Variants in PRDM1 observed in about 807,000 individuals in gnomAD.
PRDM1 encodes PR/SET domain 1, also known as PR domain zinc finger protein 1.
In PRDM1, 13 loss-of-function variants were observed where a neutral mutation model predicts 62.8. The observed-to-expected ratio is 0.21, with a 90% CI of 0.13 to 0.33. The LOEUF is 0.33. Among genes scored for constraint, PRDM1 ranks in the 10% least tolerant of loss-of-function variants. PRDM1 has a pLI of 1.00. For synonymous variants in PRDM1, 396 were observed against 417.6 expected (o/e 0.95, Z 0.63); for missense variants, 895 against 1,058.8 (o/e 0.85, Z 2.15).
chr6:106,077,804 A>C (rs1773627158), intron 1 of PRDM1, among the ~76,000 whole-genome samples: 1 of 152,232 alleles, frequency 6.6e-6, no homozygotes, highest in Non-Finnish European at 1.5e-5. Context: ...AATGTAAACT[A>C]GTTGTTAATG....
At chr6:106,018,835 C>G (rs1772657063) in intron 1 of PRDM1, among the ~76,000 whole-genome samples, 1 of 151,934 alleles carries the variant, frequency 6.6e-6, no homozygotes, top group South Asian at 2.1e-4. Context: ...AAAAAATGAC[C>G]CATTTTTTCC....
At chr6:106,002,001 A>C (rs1356386514) in intron 1 of PRDM1, among the ~76,000 whole-genome samples, 1 of 152,188 alleles carries the variant, frequency 6.6e-6, no homozygotes, top group African/African-American at 2.4e-5. Flanking sequence ...AACTAATTTG[A>C]AACCTGCTGT....
At position 106,088,486 on chromosome 6, in the gene PRDM1, C is replaced by G. The variant is rs748495373; in HGVS notation, c.291+37C>G. 39 of 1,612,402 alleles carry G rather than the reference C, an allele frequency of 2.4e-5. No individual in the cohort carries two copies. The Admixed American group carries it at 4.7e-4, about 19-fold the overall frequency. On this transcript the variant is annotated intron_variant, in intron 2 of 6. Transcript: ENST00000369096. ...GTTTATTGACAAGAAGATTGGGGACCTGGTGCCAAATCTCCCTACTTGCCC... is the reference window on the plus strand; with the variant it reads ...GTTTATTGACAAGAAGATTGGGGACGTGGTGCCAAATCTCCCTACTTGCCC...
At chr6:106,032,325 ATTTTTTT>A (rs71006666) in intron 1 of PRDM1, among the ~76,000 whole-genome samples, 4 of 144,124 alleles carry the variant, frequency 2.8e-5, no homozygotes, top group African/African-American at 5.1e-5. Flanking sequence ...CACCCAGCTA[ATTTTTTT>A]TTTTTTTCTT....
At chr6:106,058,802 T>C (rs1773302457) in intron 1 of PRDM1, among the ~76,000 whole-genome samples, 2 of 152,160 alleles carry the variant, frequency 1.3e-5, no homozygotes, top group Admixed American at 6.5e-5. Flanking sequence ...ACTCCCGACC[T>C]CAGGTGATCC....
At chr6:106,004,288 G>T (rs1004087893) in intron 1 of PRDM1, among the ~76,000 whole-genome samples, 6 of 151,932 alleles carry the variant, frequency 3.9e-5, no homozygotes, top group African/African-American at 1.5e-4. Context: ...TACGATAAAT[G>T]TGAGCTATTG....
rs1362364396 is a variant in PRDM1, at chr6:106,073,365, T to C, written c.-66-14836T>C. 5.3e-5 allele frequency among the ~76,000 whole-genome samples: 8 copies of C among 152,328 alleles called. 1 individual carries two copies. The East Asian group carries it at 1.5e-3, about 29-fold the overall frequency. On this transcript the variant is annotated intron_variant, in intron 1 of 6. Coordinates refer to the PRDM1 transcript ENST00000651185. ...CCTGACCTCAGGTGATCCACTCACCTTGGCCTCCCAAAGTGCTGGGATTAC... is the reference window on the plus strand; with the variant it reads ...CCTGACCTCAGGTGATCCACTCACCCTGGCCTCCCAAAGTGCTGGGATTAC...
At chr6:106,098,545 A>G in intron 3 of PRDM1, 1 of 1,278,004 alleles carries the variant, frequency 7.8e-7, no homozygotes, top group Non-Finnish European at 1.0e-6. Context: ...CTCCTCCCAG[A>G]TAAGGGGTTC....
chr6:106,026,968 G>T (rs754498448), intron 1 of PRDM1, among the ~76,000 whole-genome samples: 56 of 152,172 alleles, frequency 3.7e-4, no homozygotes, highest in Non-Finnish European at 6.3e-4. Context: ...TACCAAAGAC[G>T]TGTCAGAGTT....
chr6:106,056,340 C>G (rs544602740), intron 1 of PRDM1, among the ~76,000 whole-genome samples: 1 of 152,130 alleles, frequency 6.6e-6, no homozygotes, highest in African/African-American at 2.4e-5. Flanking sequence ...CATCCCTCAC[C>G]GCCTTTGCAA....
At position 106,095,708 on chromosome 6, in the gene PRDM1, A is replaced by C. The variant is rs756324889; in HGVS notation, c.385A>C (p.Asn129His). 15 of 1,614,000 alleles carry C rather than the reference A, an allele frequency of 9.3e-6. No individual in the cohort carries two copies. The Admixed American group carries it at 2.5e-4, about 27-fold the overall frequency. ...CTACACCAATGACACAGTTCCTAAGAACGCCAACAGGAAATATTTTTGGAG... is the reference window on the plus strand; with the variant it reads ...CTACACCAATGACACAGTTCCTAAGCACGCCAACAGGAAATATTTTTGGAG... ...EIYTNDTVPK[N>H]ANRKYFWRIY... The change falls in exon 3 of 7, where the codon AAC (asparagine) becomes CAC (histidine). Residue 129 changes from asparagine to histidine, a missense_variant. Coordinates refer to ENST00000369096, the MANE Select transcript of PRDM1 (RefSeq NM_001198.4).
intron 1 of PRDM1, among the ~76,000 whole-genome samples, chr6:106,042,863 G>C (rs537723952): frequency 5.3e-5 from 8 of 152,146 alleles, no homozygotes; most frequent in East Asian, 3.9e-4. Flanking sequence ...ACACATTTTG[G>C]GGGGAGGATG....
intron 2 of PRDM1, among the ~76,000 whole-genome samples, chr6:106,092,144 A>C (rs1037544443): frequency 5.4e-5 from 8 of 147,650 alleles, no homozygotes; most frequent in African/African-American, 1.2e-4. Flanking sequence ...AAAAAAAAAA[A>C]AAACAAACCT....
intron 4 of PRDM1, among the ~76,000 whole-genome samples, chr6:106,101,586 A>G (rs967576939): frequency 5.3e-5 from 8 of 152,252 alleles, no homozygotes; most frequent in African/African-American, 1.9e-4. Flanking sequence ...GAGAGTTAAC[A>G]ATAACCAGTC....
intron 1 of PRDM1, among the ~76,000 whole-genome samples, chr6:106,056,190 T>A (rs1773263071): frequency 6.6e-6 from 1 of 152,196 alleles, no homozygotes; most frequent in African/African-American, 2.4e-5. Flanking sequence ...CTTTGTGGTA[T>A]AGCCCAGCAG....
At chr6:106,095,498 T>A (rs1052817528) in intron 2 of PRDM1, 117 bp from the exon 3 acceptor site, 23 of 1,194,756 alleles carry the variant, frequency 1.9e-5, no homozygotes, top group Non-Finnish European at 2.1e-5. Context: ...TGTTTACTTA[T>A]CAAAATTTTA....
chr6:105,995,589 T>C lies in PRDM1; in HGVS notation c.-67+1950T>C, dbSNP rs151054616. Among the ~76,000 whole-genome samples, 3 of 152,278 alleles carry C rather than the reference T, an allele frequency of 2.0e-5. No homozygotes were observed. The East Asian group carries it at 5.8e-4, about 29-fold the overall frequency. ...ACAGTAAATGGGAAAAATAATAAAA[T>C]GTACACTAGATACATTACACAGACG... On this transcript the variant is annotated intron_variant, in intron 1 of 6. Coordinates refer to the PRDM1 transcript ENST00000652320.
intron 1 of PRDM1, among the ~76,000 whole-genome samples, chr6:106,003,742 T>C (rs992147180): frequency 2.0e-5 from 3 of 152,134 alleles, no homozygotes; most frequent in Non-Finnish European, 4.4e-5. Context: ...AAACGTTTTG[T>C]AGGTGGTTTA....
At chr6:106,054,032 T>C (rs1182869336) in intron 1 of PRDM1, among the ~76,000 whole-genome samples, 1 of 152,106 alleles carries the variant, frequency 6.6e-6, no homozygotes, top group East Asian at 1.9e-4. Context: ...TGGTCTCTTT[T>C]TTTTTTCATG....
Sources: gnomAD v4.1 joint callset for allele counts (sites outside exome capture counted in the v4.1 genomes callset) on GRCh38, gnomAD v4.1.1 for gene constraint, MANE v1.5 for transcripts, NCBI Gene and HGNC (gene_info 2026-07-23, HGNC 2026-07-21) for gene names.